SCFD2: variants seen among roughly 807,000 people sequenced by gnomAD.
SCFD2 encodes sec1 family domain containing 2, also known as sec1 family domain-containing protein 2.
Under a neutral mutation model 58.9 loss-of-function variants are expected in SCFD2, and 54 were observed. The ratio of observed to expected loss-of-function variants is 0.92; its 90% confidence interval spans 0.74 to 1.15. The LOEUF (loss-of-function observed/expected upper bound fraction) is 1.15. Ranked by LOEUF, SCFD2 falls within the 50% of genes most tolerant of loss-of-function variation. SCFD2 has a pLI of 0.00. For synonymous variants in SCFD2, 321 were observed against 335.9 expected, an observed-to-expected ratio of 0.96 and a Z score of 0.49; for missense variants, 805 against 836.6, an observed-to-expected ratio of 0.96 and a Z score of 0.47.
intron 4 of SCFD2, among the ~76,000 whole-genome samples, chr4:53,260,678 T>C (rs1336340192): frequency 1.3e-5 from 2 of 152,112 alleles, no homozygotes; most frequent in African/African-American, 4.8e-5. Flanking sequence ...GGGATATTGG[T>C]CTGTAGTTTT....
intron 7 of SCFD2, among the ~76,000 whole-genome samples, chr4:52,906,469 C>T (rs1306090888): frequency 6.6e-6 from 1 of 152,314 alleles, no homozygotes; most frequent in East Asian, 1.9e-4. Context: ...TATACCAACT[C>T]AGAAGTCCCT....
intron 2 of SCFD2, among the ~76,000 whole-genome samples, chr4:53,340,938 T>C (rs1412836812): frequency 6.6e-6 from 1 of 152,064 alleles, no homozygotes; most frequent in Non-Finnish European, 1.5e-5. Context: ...AGAAAGGACA[T>C]CCACACCAAA....
At chr4:53,063,418 C>A (rs1184785970) in intron 5 of SCFD2, among the ~76,000 whole-genome samples, 2 of 152,046 alleles carry the variant, frequency 1.3e-5, no homozygotes, top group Non-Finnish European at 2.9e-5. Flanking sequence ...ATCATAAATA[C>A]ATTTAAAATA....
At chr4:53,081,747 T>A (rs1379211144) in intron 5 of SCFD2, among the ~76,000 whole-genome samples, 2 of 152,158 alleles carry the variant, frequency 1.3e-5, no homozygotes, top group African/African-American at 4.8e-5. Context: ...GACAAGATTG[T>A]ACAAGTGTCA....
chr4:53,158,971 C>A (rs1577787609), intron 4 of SCFD2, among the ~76,000 whole-genome samples: 1 of 152,094 alleles, frequency 6.6e-6, no homozygotes, highest in Non-Finnish European at 1.5e-5. Context: ...TTTGCAATCC[C>A]AAAGAAGCCT....
chr4:52,902,324 G>A (rs1719223496), intron 7 of SCFD2, among the ~76,000 whole-genome samples: 1 of 152,234 alleles, frequency 6.6e-6, no homozygotes. Context: ...AGAAAAAGGG[G>A]AGTCTGGAAA....
At chr4:53,350,748 T>G (rs1460646770) in intron 2 of SCFD2, among the ~76,000 whole-genome samples, 1 of 152,170 alleles carries the variant, frequency 6.6e-6, no homozygotes, top group Non-Finnish European at 1.5e-5. Context: ...CTCATTCTGT[T>G]GCCCAGGCTG....
intron 5 of SCFD2, among the ~76,000 whole-genome samples, chr4:52,970,159 G>A (rs1721061724): frequency 1.3e-5 from 2 of 152,190 alleles, no homozygotes; most frequent in South Asian, 4.1e-4. Context: ...GGGGAGTGTT[G>A]GAAAGTGGGT....
At chr4:52,978,399 C>T (rs1336449994) in intron 5 of SCFD2, among the ~76,000 whole-genome samples, 2 of 152,120 alleles carry the variant, frequency 1.3e-5, no homozygotes. Context: ...GCTAGTAAGG[C>T]CTGAATTATG....
At chr4:53,250,380 T>C (rs1300387139) in intron 4 of SCFD2, among the ~76,000 whole-genome samples, 4 of 152,048 alleles carry the variant, frequency 2.6e-5, no homozygotes, top group Non-Finnish European at 5.9e-5. Context: ...CTGTCAACAT[T>C]AGACAGATCA....
chr4:52,899,151 T>C (rs985051467), intron 7 of SCFD2, among the ~76,000 whole-genome samples: 1 of 152,184 alleles, frequency 6.6e-6, no homozygotes, highest in Non-Finnish European at 1.5e-5. Flanking sequence ...CCATTTACAT[T>C]TAAGGTTAGT....
chr4:52,885,196 C>T (rs780048709), intron 8 of SCFD2, among the ~76,000 whole-genome samples: 6 of 152,136 alleles, frequency 3.9e-5, no homozygotes, highest in Non-Finnish European at 5.9e-5. Flanking sequence ...CCTCTGGCCC[C>T]GCCCTCTAAT....
intron 5 of SCFD2, among the ~76,000 whole-genome samples, chr4:53,005,221 G>A (rs12641446): frequency 0.45 from 68,291 of 151,924 alleles, 15,467 homozygotes; most frequent in African/African-American, 0.48. Context: ...TCTTAACTTT[G>A]GTCATGACTC....
intron 5 of SCFD2, among the ~76,000 whole-genome samples, chr4:53,120,176 A>G (rs1213915256): frequency 6.6e-6 from 1 of 152,246 alleles, no homozygotes; most frequent in Non-Finnish European, 1.5e-5. Context: ...TTATTTGTCA[A>G]TTATACTTCA....
intron 2 of SCFD2, 102 bp from the exon 3 acceptor site, chr4:53,313,865 G>T: frequency 9.0e-7 from 1 of 1,105,740 alleles, no homozygotes; most frequent in Non-Finnish European, 1.3e-6. Flanking sequence ...GAGCATTAAT[G>T]TAGTCTTTCC....
chr4:53,111,368 G>A (rs1185591318), intron 5 of SCFD2, among the ~76,000 whole-genome samples: 1 of 151,924 alleles, frequency 6.6e-6, no homozygotes, highest in Non-Finnish European at 1.5e-5. Context: ...TGAAATGCTA[G>A]TAATAAGACG....
chr4:52,978,399 C>G (rs1336449994), intron 5 of SCFD2, among the ~76,000 whole-genome samples: 3 of 152,120 alleles, frequency 2.0e-5, no homozygotes, highest in Admixed American at 1.3e-4. Context: ...GCTAGTAAGG[C>G]CTGAATTATG....
At chr4:53,170,620 G>T (rs1382082697) in intron 4 of SCFD2, among the ~76,000 whole-genome samples, 1 of 152,026 alleles carries the variant, frequency 6.6e-6, no homozygotes, top group African/African-American at 2.4e-5. Context: ...AGATTGCCTT[G>T]GGTCATATGA....
intron 8 of SCFD2, among the ~76,000 whole-genome samples, chr4:52,878,147 G>A (rs1015776167): frequency 1.3e-5 from 2 of 152,104 alleles, no homozygotes; most frequent in South Asian, 2.1e-4. Flanking sequence ...GGTATCTCAC[G>A]GTATTCCCTG....
Sources: gnomAD v4.1 joint callset for allele counts (sites outside exome capture counted in the v4.1 genomes callset) on GRCh38, gnomAD v4.1.1 for gene constraint, MANE v1.5 for transcripts, NCBI Gene and HGNC (gene_info 2026-07-23, HGNC 2026-07-21) for gene names.